DPY19L1: variants seen among roughly 807,000 people sequenced by gnomAD.
DPY19L1 encodes protein C-mannosyl-transferase DPY19L1.
DPY19L1 carries 35 observed loss-of-function variants against 96.9 expected under a neutral mutation model. The observed-to-expected ratio is 0.36, with a 90% CI of 0.28 to 0.48. The LOEUF (loss-of-function observed/expected upper bound fraction) is 0.48. DPY19L1 is among the 20% of genes least tolerant of loss of function. The pLI is 0.99. For synonymous variants in DPY19L1, 205 were observed against 252.6 expected, an observed-to-expected ratio of 0.81 and a Z score of 1.79; for missense variants, 521 against 777.9, an observed-to-expected ratio of 0.67 and a Z score of 3.93.
chr7:34,952,176 C>A (rs1333877460), intron 13 of DPY19L1, among the ~76,000 whole-genome samples: 12 of 149,884 alleles, frequency 8.0e-5, no homozygotes, highest in African/African-American at 2.9e-4. Context: ...AATATTAATT[C>A]CAAATCCAAA....
chr7:34,940,646 C>T (rs565324755), intron 18 of DPY19L1: 10 of 183,466 alleles, frequency 5.5e-5, no homozygotes, highest in Non-Finnish European at 9.8e-5. Context: ...AAAATTAAGA[C>T]GTTCAAAACA....
At chr7:34,997,007 G>C (rs563219865) in intron 6 of DPY19L1, among the ~76,000 whole-genome samples, 1 of 152,242 alleles carries the variant, frequency 6.6e-6, no homozygotes, top group African/African-American at 2.4e-5. Context: ...AAGCAGGACA[G>C]TAATAATAGG....
chr7:34,955,523 C>A (rs1291826593), intron 11 of DPY19L1, among the ~76,000 whole-genome samples, 156 bp from the exon 12 acceptor site: 1 of 152,152 alleles, frequency 6.6e-6, no homozygotes, highest in Non-Finnish European at 1.5e-5. Context: ...TTTCTAGAGT[C>A]AGTGACTTCA....
At chr7:35,027,237 C>T (rs1181286284) in intron 1 of DPY19L1, among the ~76,000 whole-genome samples, 4 of 151,712 alleles carry the variant, frequency 2.6e-5, no homozygotes, top group African/African-American at 9.7e-5. Flanking sequence ...AGAGGGTTTT[C>T]TCTTTGGTTG....
At chr7:34,981,420 T>G (rs746753035) in intron 7 of DPY19L1, among the ~76,000 whole-genome samples, 1 of 152,192 alleles carries the variant, frequency 6.6e-6, no homozygotes, top group Non-Finnish European at 1.5e-5. Flanking sequence ...GGATGCATAA[T>G]CAGTTGGTAA....
Position 34,949,801 on chromosome 7 carries a change from T to C in DPY19L1, c.1418A>G (p.Lys473Arg). 3 of 1,588,678 alleles carry C rather than the reference T, an allele frequency of 1.9e-6. No homozygotes were observed. The highest frequency in any genetic ancestry group is 2.6e-6 in the Non-Finnish European group (3 of 1,163,100). Reference protein sequence around the residue: ...TCAAEFDFMEKETPLRYTKTL... With the variant: ...TCAAEFDFMERETPLRYTKTL... ...GAACTAGAAATCACATCTTACCTCT[T>C]TTTCCATAAAGTCAAACTCCGCTGC... Residue 473 changes from lysine (K) to arginine (R), a missense_variant, in exon 14 of 22, where the codon AAA (lysine) becomes AGA (arginine). Coordinates refer to ENST00000638088, the MANE Select transcript of DPY19L1 (RefSeq NM_001366673.1).
chr7:35,037,554 G>C (rs1354027154), upstream of DPY19L1: 1 of 308,356 alleles, frequency 3.2e-6, no homozygotes, highest in Non-Finnish European at 5.9e-6. Context: ...CGGGGAGATC[G>C]TGGAGGCCGG....
intron 15 of DPY19L1, 23 bp downstream of exon 15, chr7:34,947,607 G>C (rs985158686): frequency 3.2e-6 from 5 of 1,579,194 alleles, no homozygotes; most frequent in South Asian, 2.3e-5. Context: ...TTATAAGAAA[G>C]AGCTCTTAAG....
intron 1 of DPY19L1, among the ~76,000 whole-genome samples, chr7:35,035,114 G>T (rs549909608): frequency 8.5e-5 from 13 of 152,328 alleles, no homozygotes; most frequent in Admixed American, 7.2e-4. Flanking sequence ...CAATCATTCA[G>T]CAGAATCATC....
chr7:35,021,865 T>C (rs1422485483), intron 1 of DPY19L1, among the ~76,000 whole-genome samples: 1 of 152,214 alleles, frequency 6.6e-6, no homozygotes, highest in Non-Finnish European at 1.5e-5. Context: ...CTGCAATTCA[T>C]CTGTTGATAT....
intron 15 of DPY19L1, 86 bp from the exon 16 acceptor site, chr7:34,945,802 A>C: frequency 1.1e-6 from 1 of 889,174 alleles, no homozygotes; most frequent in South Asian, 1.5e-5. Context: ...CTGTAAAATA[A>C]CTTTTAATGA....
At chr7:35,001,412 T>C (rs963395460) in intron 6 of DPY19L1, among the ~76,000 whole-genome samples, 3 of 152,212 alleles carry the variant, frequency 2.0e-5, no homozygotes, top group Non-Finnish European at 4.4e-5. Context: ...AAGGCAAGCA[T>C]TCTTCTGGGT....
intron 3 of DPY19L1, among the ~76,000 whole-genome samples, chr7:35,017,399 G>A (rs994135679): frequency 6.6e-6 from 1 of 151,232 alleles, no homozygotes; most frequent in Non-Finnish European, 1.5e-5. Context: ...GGAGGCTGAG[G>A]CAGGAGAATG....
At chr7:34,961,619 A>G (rs1784503049) in intron 10 of DPY19L1, among the ~76,000 whole-genome samples, 2 of 152,218 alleles carry the variant, frequency 1.3e-5, no homozygotes, top group African/African-American at 4.8e-5. Context: ...ACAAAGGTAC[A>G]ATTTATGAAA....
intron 1 of DPY19L1, among the ~76,000 whole-genome samples, chr7:35,022,789 C>CT (rs1786024853): frequency 7.0e-6 from 1 of 142,324 alleles, no homozygotes; most frequent in Non-Finnish European, 1.6e-5. Flanking sequence ...CACACACACA[C>CT]ACATCATCCT....
chr7:34,999,972 A>G (rs1357124764), intron 6 of DPY19L1, among the ~76,000 whole-genome samples: 1 of 152,214 alleles, frequency 6.6e-6, no homozygotes, highest in African/African-American at 2.4e-5. Context: ...AGGGATACAC[A>G]GGGTGGGGAA....
chr7:34,978,908 T>C (rs1404867497), intron 7 of DPY19L1, among the ~76,000 whole-genome samples: 3 of 152,126 alleles, frequency 2.0e-5, no homozygotes, highest in Non-Finnish European at 4.4e-5. Context: ...TTTCATATTA[T>C]GCACAGCCTG....
chr7:35,003,934 C>A (rs970732876), intron 6 of DPY19L1, among the ~76,000 whole-genome samples: 5 of 152,178 alleles, frequency 3.3e-5, no homozygotes, highest in African/African-American at 1.2e-4. Context: ...TTTCCTGGTC[C>A]TTTTCTCTGC....
rs1786445258 is a variant in DPY19L1 at position 35,037,198 on chromosome 7, G to GGCGGCGCGCCGGGCTCGGCGC, written c.176_196dup (p.Arg59_Pro65dup). 6.9e-6 allele frequency: 1 copy of GGCGGCGCGCCGGGCTCGGCGC among 145,534 alleles called. No individual in the cohort carries two copies. Among genetic ancestry groups the GGCGGCGCGCCGGGCTCGGCGC allele is most frequent in the Admixed American group, 6.8e-5 (1 of 14,674 alleles). The allele number at this position is 145,534 out of a possible 1,614,324, so 9.0% of individuals were successfully genotyped here. On this transcript the variant is annotated inframe_insertion, in exon 1 of 22. Transcript: ENST00000638088. ...GCGCCCCCCAAGGCCGCCCCCGGCG[G>GGCGGCGCGCCGGGCTCGGCGC]GCGGCGCGCCGGGCTCGGCGCGGGG...
Sources: allele counts gnomAD v4.1 joint callset (sites outside exome capture counted in the v4.1 genomes callset), GRCh38; gene constraint gnomAD v4.1.1; transcripts MANE v1.5; gene names NCBI Gene and HGNC (gene_info 2026-07-23, HGNC 2026-07-21).